Variants in SCML4 observed in about 807,000 individuals in gnomAD.
SCML4 encodes Scm polycomb group protein like 4.
SCML4 carries 34 observed loss-of-function variants against 41.1 expected under a neutral mutation model. The ratio of observed to expected loss-of-function variants is 0.83; its 90% CI spans 0.63 to 1.10. The LOEUF is 1.10. Ranked by LOEUF, SCML4 falls within the 50% of genes least tolerant of loss-of-function variation. The probability of loss-of-function intolerance (pLI) is 0.00; values close to 1 mark genes in which losing one functional copy is unlikely to be tolerated. For missense variants in SCML4, 522 were observed against 534.1 expected (o/e 0.98, Z 0.22); for synonymous variants, 214 against 220.9 (o/e 0.97, Z 0.28).
At chr6:107,746,575 C>A in intron 4 of SCML4, 114 bp downstream of exon 4, 1 of 882,800 alleles carries the variant, frequency 1.1e-6, no homozygotes, top group Non-Finnish European at 1.8e-6. Context: ...CCTAGGAGCC[C>A]AGCAGATGAA....
chr6:107,709,285 A>G (rs1273873927), intron 6 of SCML4, among the ~76,000 whole-genome samples: 2 of 152,218 alleles, frequency 1.3e-5, no homozygotes, highest in Admixed American at 6.5e-5. Context: ...CTCTGGTGCC[A>G]GAGAGACCTA....
At chr6:107,780,866 G>A (rs1264901205) in intron 1 of SCML4, among the ~76,000 whole-genome samples, 3 of 151,868 alleles carry the variant, frequency 2.0e-5, no homozygotes, top group Non-Finnish European at 4.4e-5. Flanking sequence ...GGTGCTAAGA[G>A]GACAAAGAAG....
chr6:107,837,453 A>G, the SCML4 span, among the ~76,000 whole-genome samples: 3 of 152,166 alleles, frequency 2.0e-5, no homozygotes, highest in Non-Finnish European at 2.9e-5. Context: ...TGCACTTCCA[A>G]TCACTTCACC....
chr6:107,711,944 T>C (rs1001079415), intron 6 of SCML4, among the ~76,000 whole-genome samples: 1 of 152,128 alleles, frequency 6.6e-6, no homozygotes, highest in East Asian at 1.9e-4. Context: ...AAACACATAA[T>C]GGTTTGGCTG....
At chr6:107,793,572 A>G (rs1466365793) in intron 1 of SCML4, among the ~76,000 whole-genome samples, 1 of 152,188 alleles carries the variant, frequency 6.6e-6, no homozygotes, top group Non-Finnish European at 1.5e-5. Context: ...GCTTCTTTAT[A>G]AGGTGAGAGT....
intron 7 of SCML4, among the ~76,000 whole-genome samples, chr6:107,705,704 A>G (rs929085196): frequency 6.6e-6 from 1 of 152,186 alleles, no homozygotes; most frequent in Admixed American, 6.5e-5. Flanking sequence ...GGGTCTTTCC[A>G]TTCCAAACCT....
At chr6:107,799,564 T>C (rs1040850730) in intron 1 of SCML4, among the ~76,000 whole-genome samples, 5 of 152,242 alleles carry the variant, frequency 3.3e-5, no homozygotes, top group Admixed American at 6.5e-5. Flanking sequence ...TATGTAATTA[T>C]TGATAGACAA....
intron 5 of SCML4, among the ~76,000 whole-genome samples, chr6:107,730,732 C>T (rs2114445759): frequency 6.6e-6 from 1 of 152,274 alleles, no homozygotes; most frequent in Admixed American, 6.5e-5. Flanking sequence ...CCTTTTTCAC[C>T]ATCGCTAAAC....
At chr6:107,819,526 A>T (rs1784793433) in intron 1 of SCML4, among the ~76,000 whole-genome samples, 1 of 152,136 alleles carries the variant, frequency 6.6e-6, no homozygotes, top group South Asian at 2.1e-4. Context: ...TCTGTCTTGC[A>T]TGTTTTCTGG....
At chr6:107,831,412 A>C in the SCML4 span, among the ~76,000 whole-genome samples, 149 of 2,688 alleles carry the variant, frequency 0.055, 2 homozygotes, top group Middle Eastern at 0.25. Context: ...TTTCATTCTC[A>C]AAAAAAAAAA....
the SCML4 span, among the ~76,000 whole-genome samples, chr6:107,838,743 A>T: frequency 6.6e-6 from 1 of 152,188 alleles, no homozygotes; most frequent in Non-Finnish European, 1.5e-5. Context: ...TTTGGGGATA[A>T]ATTTGTGATA....
rs1180866034 is a variant in SCML4, at chr6:107,703,184, T to G, written c.*2016A>C. ...GCAACCAGCAGCCCTCAGAGCTGCTTTGACTATGGGGTAGCCATTCTTTCC... is the reference window on the plus strand; with the variant it reads ...GCAACCAGCAGCCCTCAGAGCTGCTGTGACTATGGGGTAGCCATTCTTTCC... On this transcript the variant is annotated 3_prime_UTR_variant, in exon 8 of 8. Coordinates refer to ENST00000369020, the MANE Select transcript of SCML4 (RefSeq NM_198081.5). 6.6e-6 allele frequency among the ~76,000 whole-genome samples: 1 copy of G among 152,198 alleles called. No individual in the cohort carries two copies. Among genetic ancestry groups the G allele is most frequent in the East Asian group, 1.9e-4 (1 of 5,194 alleles).
intron 5 of SCML4, among the ~76,000 whole-genome samples, chr6:107,731,145 G>C (rs1362361771): frequency 6.6e-6 from 1 of 152,188 alleles, no homozygotes; most frequent in Admixed American, 6.5e-5. Context: ...GAGCCAGAGA[G>C]AGAAAGAGAA....
At chr6:107,711,758 C>T (rs183236210) in intron 6 of SCML4, among the ~76,000 whole-genome samples, 79 of 152,320 alleles carry the variant, frequency 5.2e-4, no homozygotes, top group African/African-American at 1.1e-3. Flanking sequence ...GGCTTTCCTA[C>T]AGAAGAATTC....
At chr6:107,729,606 A>G (rs936357950) in intron 5 of SCML4, among the ~76,000 whole-genome samples, 4 of 152,208 alleles carry the variant, frequency 2.6e-5, no homozygotes, top group Non-Finnish European at 5.9e-5. Flanking sequence ...ATGTATTTCA[A>G]TGTACATCCA....
intron 3 of SCML4, among the ~76,000 whole-genome samples, chr6:107,749,129 T>G (rs1294443617): frequency 2.0e-5 from 3 of 152,046 alleles, no homozygotes; most frequent in Non-Finnish European, 4.4e-5. Flanking sequence ...TGCGCGTGTG[T>G]GTGTGTGCAT....
chr6:107,732,489 C>T (rs1317727854), intron 5 of SCML4: 1 of 152,214 alleles, frequency 6.6e-6, no homozygotes, highest in Non-Finnish European at 1.5e-5. Flanking sequence ...CAGCAACCGA[C>T]CATAATTTTA....
chr6:107,837,774 G>A, the SCML4 span, among the ~76,000 whole-genome samples: 6 of 152,156 alleles, frequency 3.9e-5, no homozygotes, highest in East Asian at 1.9e-4. Context: ...CCTGCCTACT[G>A]GTTCTGATTA....
chr6:107,708,538 G>C (rs34475110), intron 6 of SCML4, among the ~76,000 whole-genome samples: 1 of 152,090 alleles, frequency 6.6e-6, no homozygotes, highest in Non-Finnish European at 1.5e-5. Context: ...TCTTCTCCAC[G>C]GTATCTGCAG....
Sources: allele counts gnomAD v4.1 joint callset (sites outside exome capture counted in the v4.1 genomes callset), GRCh38; gene constraint gnomAD v4.1.1; transcripts MANE v1.5; gene names NCBI Gene and HGNC (gene_info 2026-07-23, HGNC 2026-07-21).